RNF19A: variants seen among roughly 807,000 people sequenced by gnomAD.
The protein encoded by RNF19A is ring finger protein 19A, RBR E3 ubiquitin protein ligase, also known as E3 ubiquitin-protein ligase RNF19A.
RNF19A carries 32 observed loss-of-function variants against 75.7 expected under a neutral mutation model. The ratio of observed to expected loss-of-function variants is 0.42; its 90% confidence interval spans 0.32 to 0.57. The LOEUF (loss-of-function observed/expected upper bound fraction) is 0.57, where lower values mean the gene tolerates loss of function less well. RNF19A is among the 20% of genes least tolerant of loss of function. RNF19A has a pLI of 0.10. For missense variants in RNF19A, 782 were observed against 1,036.3 expected (o/e 0.75, Z 3.37); for synonymous variants, 335 against 345.2 (o/e 0.97, Z 0.33).
intron 1 of RNF19A, among the ~76,000 whole-genome samples, chr8:100,290,133 G>A (rs1821219968): frequency 6.6e-6 from 1 of 151,892 alleles, no homozygotes; most frequent in Admixed American, 6.5e-5. Context: ...TTGTTTTTTT[G>A]AGACACAGTC....
In RNF19A at chr8:100,332,330, G is replaced by A. The variant is rs933023619; in HGVS notation, c.-243+3778C>T. On this transcript the variant is annotated intron_variant, in intron 1 of 3. Transcript: ENST00000519527. The surrounding 1 kb of genome is among the most constrained non-coding windows in gnomAD (Gnocchi z 4.8). The stretch of plus-strand genomic sequence containing the variant: ...CTCATGATAGTGAGTGAGTTCTCAC[G>A]TGATCTGATGGTTTTATAAGTGTCT... 2.0e-5 allele frequency among the ~76,000 whole-genome samples: 3 copies of A among 152,174 alleles called. No individual in the cohort carries two copies. The highest frequency in any genetic ancestry group is 2.9e-5 in the Non-Finnish European group (2 of 68,040).
upstream of RNF19A, among the ~76,000 whole-genome samples, chr8:100,312,704 A>C (rs1168905859): frequency 6.6e-6 from 1 of 152,100 alleles, no homozygotes; most frequent in Admixed American, 6.5e-5. Flanking sequence ...TGAGTGGATC[A>C]CTTGAGGCCA....
rs536427621 is a variant in RNF19A, at chr8:100,284,533, C to T, written c.674+2968G>A. 6.6e-6 allele frequency among the ~76,000 whole-genome samples: 1 copy of T among 152,148 alleles called. No homozygotes were observed. The highest frequency in any genetic ancestry group is 1.5e-5 in the Non-Finnish European group (1 of 67,946). ...AATGTATGGCCAAATTAATCACGGA[C>T]AATTATTTGTTAAATTTATATAATA... On this transcript the variant is annotated intron_variant, in intron 2 of 9. Coordinates refer to ENST00000341084, the MANE Select transcript of RNF19A (RefSeq NM_183419.4). The surrounding 1 kb of genome is among the most constrained non-coding windows in gnomAD (Gnocchi z 4.3).
intron 1 of RNF19A, among the ~76,000 whole-genome samples, chr8:100,301,310 T>C (rs1821816478): frequency 6.6e-6 from 1 of 152,244 alleles, no homozygotes; most frequent in Non-Finnish European, 1.5e-5. Flanking sequence ...TTCTTTCTAC[T>C]ATCTTACTGC....
chr8:100,259,709 T>G lies in RNF19A; in HGVS notation c.1826+145A>C, dbSNP rs1346125768. On this transcript the variant is annotated intron_variant, in intron 9 of 9. Transcript: ENST00000341084. The surrounding 1 kb of genome is among the most constrained non-coding windows in gnomAD (Gnocchi z 4.5). ...AATCCACTTTATGATCTATACAGAT[T>G]TGCCTACTCTGGACAGCTCACTGTT... is the stretch of plus-strand genomic sequence containing the variant. 8 of 688,476 alleles carry G rather than the reference T, an allele frequency of 1.2e-5. No individual in the cohort carries two copies. Among genetic ancestry groups the G allele is most frequent in the Non-Finnish European group, 1.9e-5 (8 of 420,254 alleles). The allele number at this position is 688,476 out of a possible 1,614,324, so 42.6% of individuals were successfully genotyped here.
intron 1 of RNF19A, among the ~76,000 whole-genome samples, chr8:100,297,832 A>G (rs1032505821): frequency 7.2e-5 from 11 of 152,232 alleles, no homozygotes; most frequent in Non-Finnish European, 1.5e-4. Context: ...AAGATGAGGT[A>G]ACAAAATTTA....
chr8:100,282,310 C>G (rs1820816499), intron 2 of RNF19A, among the ~76,000 whole-genome samples: 1 of 152,122 alleles, frequency 6.6e-6, no homozygotes, highest in Non-Finnish European at 1.5e-5. Flanking sequence ...ACAGATTGAG[C>G]ATCCCTAGTC....
intron 2 of RNF19A, among the ~76,000 whole-genome samples, chr8:100,285,293 T>G (rs1485262376): frequency 6.6e-6 from 1 of 152,226 alleles, no homozygotes; most frequent in Non-Finnish European, 1.5e-5. Context: ...GTAATCTGTT[T>G]TGATTTTAAT....
Position 100,267,226 on chromosome 8 carries a change from CTTT to C in RNF19A, c.1191+1556_1191+1558del, listed in dbSNP as rs200191120. Among the ~76,000 whole-genome samples the C allele has an allele frequency of 1.2e-4, 19 of 152,300 alleles. No homozygotes were observed. The East Asian group carries it at 3.5e-3, about 28-fold the overall frequency. On this transcript the variant is annotated intron_variant, in intron 5 of 9. Transcript: ENST00000341084. ...CTGAGTTCAAATCTCAGCTCTGCTT[CTTT>C]GTGTGTAACTGAAGATATATTACAT...
At position 100,258,713 on chromosome 8, in the gene RNF19A, G is replaced by C; in HGVS notation, c.2360C>G (p.Ser787Ter). Residue 787 changes from serine to a stop codon, truncating the protein, a stop_gained, in exon 10 of 10, where the codon TCA (serine) becomes TGA (stop). Transcript: ENST00000341084. LOFTEE classifies it high-confidence loss of function. This position sits in a 1 kb window ranked among gnomAD's most constrained non-coding sequence, Gnocchi z 4.3. ...AATATGATTCAACTGTGAAACTTCT[G>C]AACAGGAAGCAGTTTGGGTAACCAC... ...ISVVTQTASC[S>*]EVSQLNHIAE... 3 of 1,614,132 alleles carry C rather than the reference G, an allele frequency of 1.9e-6. No homozygotes were observed. The highest frequency in any genetic ancestry group is 2.5e-6 in the Non-Finnish European group (3 of 1,180,028).
Position 100,260,382 on chromosome 8 carries a change from C to T in RNF19A, c.1683-385G>A, listed in dbSNP as rs559165381. On this transcript the variant is annotated intron_variant, in intron 8 of 9. Coordinates refer to ENST00000341084, the MANE Select transcript of RNF19A (RefSeq NM_183419.4). This position sits in a 1 kb window ranked among gnomAD's most constrained non-coding sequence, Gnocchi z 4.1. ...CACCAATGAATCCAAAAATCCTGGG[C>T]ATCTATATTAAAAAATGACTCTATA... Among the ~76,000 whole-genome samples the T allele has an allele frequency of 3.3e-5, 5 of 152,228 alleles. No homozygotes were observed. In the South Asian group the frequency reaches 6.2e-4, roughly 19 times the overall value.
At chr8:100,299,438 T>C (rs1213073729) in intron 1 of RNF19A, among the ~76,000 whole-genome samples, 1 of 152,228 alleles carries the variant, frequency 6.6e-6, no homozygotes, top group Non-Finnish European at 1.5e-5. Context: ...ATGATTAATG[T>C]GATTCTACTA....
chr8:100,295,748 T>C (rs1351788502), intron 1 of RNF19A, among the ~76,000 whole-genome samples: 2 of 152,204 alleles, frequency 1.3e-5, no homozygotes, highest in African/African-American at 4.8e-5. Flanking sequence ...CTAGAAATGA[T>C]GTATTTCTAC....
intron 1 of RNF19A, among the ~76,000 whole-genome samples, chr8:100,319,766 G>A (rs1822437884): frequency 1.3e-5 from 2 of 151,416 alleles, no homozygotes; most frequent in African/African-American, 4.9e-5. Context: ...CTGACCTCAG[G>A]TGGCCCAACT....
At chr8:100,310,338 C>T (rs1036681132), upstream of RNF19A, 6 of 754,920 alleles carry the variant, frequency 7.9e-6, no homozygotes, top group Non-Finnish European at 9.7e-6. Flanking sequence ...ACGCCTGTCC[C>T]TGGCGGAGGG....
intron 1 of RNF19A, among the ~76,000 whole-genome samples, chr8:100,306,265 A>T (rs1167330945): frequency 6.6e-6 from 1 of 152,242 alleles, no homozygotes; most frequent in African/African-American, 2.4e-5. Flanking sequence ...ATTTCTGAGC[A>T]GGATTTTTGC....
rs955918983 is a variant in RNF19A at position 100,258,366 on chromosome 8, C to G, written c.*190G>C. On this transcript the variant is annotated 3_prime_UTR_variant, in exon 10 of 10. Coordinates refer to ENST00000341084, the MANE Select transcript of RNF19A (RefSeq NM_183419.4). The surrounding 1 kb of genome is among the most constrained non-coding windows in gnomAD (Gnocchi z 4.3). The stretch of plus-strand genomic sequence containing the variant: ...TCCTTAAAATAATGCACTTTTAAAG[C>G]CTTCACTTCATAGTTTGGTAACTAA... The G allele has an allele frequency of 5.7e-6, 3 of 526,706 alleles. No homozygotes were observed. The highest frequency in any genetic ancestry group is 3.2e-5 in the South Asian group (1 of 31,722). The allele number at this position is 526,706 out of a possible 1,614,324, so 32.6% of individuals were successfully genotyped here.
chr8:100,279,732 G>A (rs980402924), intron 2 of RNF19A, among the ~76,000 whole-genome samples: 2 of 151,974 alleles, frequency 1.3e-5, no homozygotes, highest in African/African-American at 4.8e-5. Context: ...TTGCCATGTT[G>A]GCTAGGCTTG....
intron 1 of RNF19A, among the ~76,000 whole-genome samples, chr8:100,288,904 C>CA (rs542063521): frequency 4.0e-5 from 6 of 151,828 alleles, no homozygotes; most frequent in Non-Finnish European, 8.8e-5. Context: ...TTTAAAAATA[C>CA]AAAAAACTAG....
Sources: gnomAD v4.1 joint callset for allele counts (sites outside exome capture counted in the v4.1 genomes callset) on GRCh38, gnomAD v4.1.1 for gene constraint, Gnocchi (gnomAD v3.1) non-coding constraint, MANE v1.5 for transcripts, NCBI Gene and HGNC (gene_info 2026-07-23, HGNC 2026-07-21) for gene names.